PRKCA: variants seen among roughly 807,000 people sequenced by gnomAD.
PRKCA encodes protein kinase C alpha.
Under a neutral mutation model 87.0 loss-of-function variants are expected in PRKCA, and 27 were observed. That is an observed-to-expected ratio of 0.31 (90% confidence interval 0.23 to 0.43). The LOEUF (loss-of-function observed/expected upper bound fraction) is 0.43, where lower values mean the gene tolerates loss of function less well. Ranked by LOEUF, PRKCA falls within the 20% of genes least tolerant of loss-of-function variation. The pLI is 1.00. For synonymous variants in PRKCA, 329 were observed against 311.1 expected, an observed-to-expected ratio of 1.06 and a Z score of -0.61; for missense variants, 518 against 852.3, an observed-to-expected ratio of 0.61 and a Z score of 4.88.
In PRKCA at chr17:66,744,752, G is replaced by T. The variant is rs138487553; in HGVS notation, c.1524+1992G>T. 9.9e-3 allele frequency among the ~76,000 whole-genome samples: 1,510 copies of T among 152,298 alleles called. 12 individuals carry two copies. Among genetic ancestry groups the T allele is most frequent in the Non-Finnish European group, 0.015 (1,048 of 68,014 alleles). ...AGATTTATTATCATGTGGTTCCGGA[G>T]ATCAGAAGTCCAAAATCAGCCTCAC... On this transcript the variant is annotated intron_variant, in intron 13 of 16. Coordinates refer to ENST00000413366, the MANE Select transcript of PRKCA (RefSeq NM_002737.3).
intron 14 of PRKCA, chr17:66,775,496 C>T (rs80238933): frequency 0.046 from 45,194 of 985,174 alleles, 1,081 homozygotes; most frequent in Middle Eastern, 0.052. Context: ...AATCACGAAG[C>T]AGGCTTGGTA....
intron 2 of PRKCA, among the ~76,000 whole-genome samples, chr17:66,383,589 T>C (rs1365553506): frequency 6.6e-6 from 1 of 152,192 alleles, no homozygotes; most frequent in African/African-American, 2.4e-5. Flanking sequence ...TTTCTGTACT[T>C]ACTGCGAAGA....
intron 2 of PRKCA, among the ~76,000 whole-genome samples, chr17:66,430,851 T>C (rs1913065085): frequency 6.6e-6 from 1 of 152,166 alleles, no homozygotes; most frequent in East Asian, 1.9e-4. Flanking sequence ...CCCAGCACTG[T>C]AGCTTGATTA....
At position 66,424,568 on chromosome 17, in the gene PRKCA, A is replaced by ACACACACACACAC. The variant is rs1598660738; in HGVS notation, c.206-71633_206-71632insCACACACACACAC. Among the ~76,000 whole-genome samples the ACACACACACACAC allele has an allele frequency of 1.7e-3, 237 of 142,058 alleles. 1 individual carries two copies. Among genetic ancestry groups the ACACACACACACAC allele is most frequent in the Non-Finnish European group, 2.3e-3 (149 of 65,948 alleles). 93.2% of individuals were successfully genotyped at this position (142,058 alleles called of 152,430 possible). A position where few individuals can be genotyped will look rare whatever the true frequency, so the allele number is the denominator to read the frequency against. On this transcript the variant is annotated intron_variant, in intron 2 of 16. Transcript: ENST00000413366. Reference sequence around the variant, plus strand: ...GGCAGCAGAGCACGACCCTGTCTCAAACACACACACACACACACACACACA... The same window carrying ACACACACACACAC: ...GGCAGCAGAGCACGACCCTGTCTCAACACACACACACACACACACACACACACACACACACACA...
intron 3 of PRKCA, among the ~76,000 whole-genome samples, chr17:66,536,653 G>A (rs181349669): frequency 1.3e-5 from 2 of 152,320 alleles, no homozygotes; most frequent in African/African-American, 4.8e-5. Context: ...ACCAATGGCA[G>A]CAGTAGAAGC....
chr17:66,306,201 G>T, intron 2 of PRKCA, 74 bp downstream of exon 2: 1 of 1,404,712 alleles, frequency 7.1e-7, no homozygotes. Context: ...ATTATTTCCA[G>T]TCATATTTTC....
rs1240361755 is a variant in PRKCA, at chr17:66,805,435, T to C, written c.*1398T>C. 6.5e-6 allele frequency: 1 copy of C among 152,824 alleles called. No individual in the cohort carries two copies. Among genetic ancestry groups the C allele is most frequent in the Non-Finnish European group, 1.5e-5 (1 of 68,316 alleles). The allele number at this position is 152,824 out of a possible 1,614,324, so 9.5% of individuals were successfully genotyped here. A position where few individuals can be genotyped will look rare whatever the true frequency, so the allele number is the denominator to read the frequency against. On this transcript the variant is annotated 3_prime_UTR_variant, in exon 17 of 17. Coordinates refer to ENST00000413366, the MANE Select transcript of PRKCA (RefSeq NM_002737.3). The stretch of plus-strand genomic sequence containing the variant: ...TTTCTAATCCTCTTTTCTAATTAAG[T>C]TTTAGCTGAATCCCTTGCTTCTGTG...
In PRKCA at chr17:66,633,071, A is replaced by T. The variant is rs371540406; in HGVS notation, c.289-8284A>T. Among the ~76,000 whole-genome samples the T allele has an allele frequency of 2.1e-4, 32 of 152,340 alleles. 1 individual carries two copies. In the South Asian group the frequency reaches 5.0e-3, roughly 24 times the overall value. The stretch of plus-strand genomic sequence containing the variant: ...TCTTTCTTAGAAAAGGAAACATCCA[A>T]CAAGATCAGTATGGTCAGAGGCCAA... On this transcript the variant is annotated intron_variant, in intron 3 of 16. Transcript: ENST00000413366.
At chr17:66,640,888 T>A in intron 3 of PRKCA, 1 of 426,942 alleles carries the variant, frequency 2.3e-6, no homozygotes, top group South Asian at 1.7e-5. Context: ...GGGCCAGGTG[T>A]GGTGGTTCAC....
At chr17:66,486,904 G>A (rs963744944) in intron 2 of PRKCA, among the ~76,000 whole-genome samples, 10 of 151,920 alleles carry the variant, frequency 6.6e-5, no homozygotes, top group South Asian at 4.2e-4. Flanking sequence ...CTTTGGCAGC[G>A]TGTGCACAGG....
At chr17:66,307,968 C>G (rs1904909160) in intron 2 of PRKCA, among the ~76,000 whole-genome samples, 1 of 152,154 alleles carries the variant, frequency 6.6e-6, no homozygotes. Flanking sequence ...GCAACTTGCT[C>G]TTTTCACTCA....
chr17:66,685,735 CT>C (rs1321944230), intron 5 of PRKCA, among the ~76,000 whole-genome samples: 1 of 152,248 alleles, frequency 6.6e-6, no homozygotes, highest in Non-Finnish European at 1.5e-5. Flanking sequence ...GGTTCTCCCC[CT>C]GCCTCCTCCC....
intron 2 of PRKCA, among the ~76,000 whole-genome samples, chr17:66,425,770 A>G (rs1184475238): frequency 6.6e-6 from 1 of 152,098 alleles, no homozygotes; most frequent in Non-Finnish European, 1.5e-5. Context: ...CAAGAACTCT[A>G]AGGTATGTGC....
At chr17:66,703,428 C>T (rs932921537) in intron 8 of PRKCA, 1 of 152,172 alleles carries the variant, frequency 6.6e-6, no homozygotes, top group Non-Finnish European at 1.5e-5. Flanking sequence ...CCCCTGATAA[C>T]AATGCCTTCT....
At chr17:66,785,409 G>C (rs1243384478) in intron 14 of PRKCA, among the ~76,000 whole-genome samples, 1 of 152,164 alleles carries the variant, frequency 6.6e-6, no homozygotes, top group Admixed American at 6.6e-5. Flanking sequence ...ACCTGCCCGT[G>C]TCAGCCAAAG....
rs1265655693 is a variant in PRKCA at position 66,773,983 on chromosome 17, A to C, written c.1525-4A>C. Reference sequence around the variant, plus strand: ...ATGTAATTGATGTGTTTGTTTTCACACAGATAATCGCTTATCAGCCGTATG... The same window carrying C: ...ATGTAATTGATGTGTTTGTTTTCACCCAGATAATCGCTTATCAGCCGTATG... On this transcript the variant is annotated splice_region_variant and splice_polypyrimidine_tract_variant and intron_variant, in intron 13 of 16. Transcript: ENST00000413366. The C allele has an allele frequency of 4.3e-6, 7 of 1,613,810 alleles. 1 individual carries two copies. The highest frequency in any genetic ancestry group is 5.9e-6 in the Non-Finnish European group (7 of 1,179,914).
At chr17:66,370,770 G>A (rs1451773614) in intron 2 of PRKCA, among the ~76,000 whole-genome samples, 1 of 151,872 alleles carries the variant, frequency 6.6e-6, no homozygotes, top group Non-Finnish European at 1.5e-5. Context: ...GGCTGGTCTT[G>A]AACTCCTGGA....
intron 2 of PRKCA, among the ~76,000 whole-genome samples, chr17:66,455,206 C>T (rs1029229117): frequency 6.6e-6 from 1 of 152,162 alleles, no homozygotes; most frequent in African/African-American, 2.4e-5. Flanking sequence ...TCATTCACAC[C>T]GTCTATTTGG....
chr17:66,788,997 G>T lies in PRKCA; in HGVS notation c.1854+18G>T, dbSNP rs377484696. 13 of 1,613,638 alleles carry T rather than the reference G, an allele frequency of 8.1e-6. No homozygotes were observed. In the African/African-American group the frequency reaches 1.2e-4, roughly 15 times the overall value. On this transcript the variant is annotated intron_variant, in intron 16 of 16. Coordinates refer to ENST00000413366, the MANE Select transcript of PRKCA (RefSeq NM_002737.3). ...CCAAAGTGGTGAGTCCAGAAAAGCAGCCTGTTTTCGGAACCCCATGTCCCC... is the reference window on the plus strand; with the variant it reads ...CCAAAGTGGTGAGTCCAGAAAAGCATCCTGTTTTCGGAACCCCATGTCCCC...
Sources: gnomAD v4.1 joint callset for allele counts (sites outside exome capture counted in the v4.1 genomes callset) on GRCh38, gnomAD v4.1.1 for gene constraint, MANE v1.5 for transcripts, NCBI Gene and HGNC (gene_info 2026-07-23, HGNC 2026-07-21) for gene names.